RIMBP2: variants seen among roughly 807,000 people sequenced by gnomAD.
RIMBP2 encodes the protein RIMS-binding protein 2.
In RIMBP2, 48 loss-of-function variants were observed where a neutral mutation model predicts 118.6. That is an observed-to-expected ratio of 0.40 (90% CI 0.32 to 0.51). RIMBP2 has a LOEUF of 0.51. Among genes scored for constraint, RIMBP2 ranks in the 20% least tolerant of loss-of-function variants. The pLI, the probability that RIMBP2 is intolerant of heterozygous loss-of-function variation, is 0.41. For missense variants in RIMBP2, 1,551 were observed against 1,768.3 expected, an observed-to-expected ratio of 0.88 and a Z score of 2.20; for synonymous variants, 762 against 742.9, an observed-to-expected ratio of 1.03 and a Z score of -0.42.
rs149755368 is a variant in RIMBP2, at chr12:130,585,361, C to T, written c.-217+42961G>A. The stretch of plus-strand genomic sequence containing the variant: ...TGAAAAGGGGATCAAATACATTCGT[C>T]GAAAATTCGGTAGGAAATTCACAGC... On this transcript the variant is annotated intron_variant, in intron 2 of 22. Coordinates refer to ENST00000690449, the MANE Select transcript of RIMBP2 (RefSeq NM_001393629.1). Among the ~76,000 whole-genome samples the T allele has an allele frequency of 2.4e-4, 36 of 152,188 alleles. 1 individual carries two copies. The East Asian group carries it at 5.4e-3, about 23-fold the overall frequency.
At chr12:130,595,535 G>A (rs536330170) in intron 2 of RIMBP2, among the ~76,000 whole-genome samples, 10 of 151,996 alleles carry the variant, frequency 6.6e-5, no homozygotes, top group South Asian at 2.1e-4. Context: ...GGGCGACAGC[G>A]CAAGACTCCG....
Position 130,620,488 on chromosome 12 carries a change from G to A in RIMBP2, c.-217+7834C>T, listed in dbSNP as rs1324662336. 1.3e-5 allele frequency among the ~76,000 whole-genome samples: 2 copies of A among 152,194 alleles called. No homozygotes were observed. The highest frequency in any genetic ancestry group is 4.8e-5 in the African/African-American group (2 of 41,452). On this transcript the variant is annotated intron_variant, in intron 2 of 22. Transcript: ENST00000690449. The surrounding 1 kb of genome is among the most constrained non-coding windows in gnomAD (Gnocchi z 5.3). The stretch of plus-strand genomic sequence containing the variant: ...AGTTTCCTCCAGCCGCCGTGACAAA[G>A]TACGACAAGCCAGGAGGCTTGAAGA...
intron 2 of RIMBP2, among the ~76,000 whole-genome samples, chr12:130,524,142 G>T (rs182890770): frequency 2.6e-5 from 4 of 152,338 alleles, no homozygotes; most frequent in Admixed American, 2.6e-4. Flanking sequence ...GAGTAGGGCA[G>T]GATTTGGACA....
chr12:130,619,562 G>A (rs1489842638), intron 2 of RIMBP2, among the ~76,000 whole-genome samples: 1 of 152,208 alleles, frequency 6.6e-6, no homozygotes, highest in African/African-American at 2.4e-5. Flanking sequence ...GTATTAAGGG[G>A]TCTGGGAGAT....
chr12:130,480,198 T>TACAC (rs10580090), intron 4 of RIMBP2, among the ~76,000 whole-genome samples: 1,724 of 128,164 alleles, frequency 0.013, 28 homozygotes, highest in African/African-American at 0.056. Flanking sequence ...TTTCCTTTCA[T>TACAC]ACACACACAC....
intron 4 of RIMBP2, among the ~76,000 whole-genome samples, chr12:130,487,842 G>T (rs976922736): frequency 6.6e-6 from 1 of 152,046 alleles, no homozygotes; most frequent in African/African-American, 2.4e-5. Flanking sequence ...CAGCAAAGGT[G>T]AGGCCTCTCG....
intron 17 of RIMBP2, among the ~76,000 whole-genome samples, chr12:130,415,916 C>G (rs1367714594): frequency 6.6e-6 from 1 of 152,054 alleles, no homozygotes; most frequent in African/African-American, 2.4e-5. Context: ...ATAAATTGTT[C>G]AAGCTGAGAG....
chr12:130,652,070 A>G (rs1054314712), intron 1 of RIMBP2, among the ~76,000 whole-genome samples: 4 of 152,080 alleles, frequency 2.6e-5, no homozygotes, highest in Non-Finnish European at 5.9e-5. Flanking sequence ...CTAGCATTGA[A>G]TGTTTTGATT....
intron 1 of RIMBP2, among the ~76,000 whole-genome samples, chr12:130,640,177 A>C (rs7979887): frequency 0.6 from 90,843 of 152,054 alleles, 28,144 homozygotes; most frequent in Admixed American, 0.68. Context: ...CCTAGAACCA[A>C]CCTTGCTGCT....
intron 2 of RIMBP2, among the ~76,000 whole-genome samples, chr12:130,575,896 A>C (rs932838765): frequency 9.2e-5 from 14 of 152,258 alleles, no homozygotes; most frequent in Admixed American, 7.2e-4. Flanking sequence ...CAAACTGCAC[A>C]GCAAAATGTT....
At chr12:130,399,160 T>C (rs1368530418) in intron 22 of RIMBP2, 1 of 1,389,990 alleles carries the variant, frequency 7.2e-7, no homozygotes, top group Non-Finnish European at 9.4e-7. Context: ...AACACTCTTC[T>C]TCTGTTTCCA....
intron 2 of RIMBP2, among the ~76,000 whole-genome samples, chr12:130,554,793 A>G (rs1364114603): frequency 6.6e-6 from 1 of 152,012 alleles, no homozygotes; most frequent in East Asian, 1.9e-4. Context: ...ATATCTAACA[A>G]ATATTTGAAT....
At chr12:130,436,158 G>A (rs2077494775) in intron 13 of RIMBP2, among the ~76,000 whole-genome samples, 1 of 152,214 alleles carries the variant, frequency 6.6e-6, no homozygotes, top group African/African-American at 2.4e-5. Context: ...CCCTAGCCCT[G>A]CACGGGGGGC....
chr12:130,409,043 A>G (rs7304899), intron 19 of RIMBP2, among the ~76,000 whole-genome samples: 103,054 of 152,082 alleles, frequency 0.68, 35,408 homozygotes, highest in East Asian at 0.89. Context: ...TCTCAGCATT[A>G]TTCATGTTAC....
In RIMBP2 at chr12:130,450,910, C is replaced by T. The variant is rs937916123; in HGVS notation, c.504+285G>A. 1.1e-4 allele frequency among the ~76,000 whole-genome samples: 16 copies of T among 152,192 alleles called. No individual in the cohort carries two copies. The highest frequency in any genetic ancestry group is 4.6e-4 in the Admixed American group (7 of 15,286). ...CAGCTCTGCGTCAACAGCCTTGCTG[C>T]GTCATCCTTGCACCCCTCGATGGGA... On this transcript the variant is annotated intron_variant, in intron 8 of 22. Coordinates refer to ENST00000690449, the MANE Select transcript of RIMBP2 (RefSeq NM_001393629.1). The surrounding 1 kb of genome is among the most constrained non-coding windows in gnomAD (Gnocchi z 4.8).
At chr12:130,563,096 A>C (rs1485327118) in intron 2 of RIMBP2, among the ~76,000 whole-genome samples, 1 of 152,212 alleles carries the variant, frequency 6.6e-6, no homozygotes, top group Non-Finnish European at 1.5e-5. Flanking sequence ...CTGCTAAAAC[A>C]CTGTTATCCT....
At chr12:130,551,064 A>G (rs2055727552) in intron 2 of RIMBP2, among the ~76,000 whole-genome samples, 1 of 152,224 alleles carries the variant, frequency 6.6e-6, no homozygotes, top group African/African-American at 2.4e-5. Flanking sequence ...CTGACCCACA[A>G]TAATCACCAG....
In RIMBP2 at chr12:130,398,894, A is replaced by G. The variant is rs1169116243; in HGVS notation, c.3900+785T>C. 83 of 283,922 alleles carry G rather than the reference A, an allele frequency of 2.9e-4. No homozygotes were observed. The East Asian group carries it at 4.8e-3, about 16-fold the overall frequency. 17.6% of individuals were successfully genotyped at this position (283,922 alleles called of 1,614,324 possible). ...AAATATTCTTAATGCAAATAGTAGGAAATGATTATTAAAGATGATTTGCTT... is the reference window on the plus strand; with the variant it reads ...AAATATTCTTAATGCAAATAGTAGGGAATGATTATTAAAGATGATTTGCTT... On this transcript the variant is annotated intron_variant, in intron 22 of 22. Transcript: ENST00000690449.
chr12:130,481,997 A>G (rs1360065107), intron 4 of RIMBP2, among the ~76,000 whole-genome samples: 1 of 149,106 alleles, frequency 6.7e-6, no homozygotes, highest in Non-Finnish European at 1.5e-5. Flanking sequence ...AGCTGCATAC[A>G]TTGCAGGGCA....
Sources: gnomAD v4.1 joint callset for allele counts (sites outside exome capture counted in the v4.1 genomes callset) on GRCh38, gnomAD v4.1.1 for gene constraint, Gnocchi (gnomAD v3.1) non-coding constraint, MANE v1.5 for transcripts, NCBI Gene and HGNC (gene_info 2026-07-23, HGNC 2026-07-21) for gene names.